UNC80: variants seen among roughly 807,000 people sequenced by gnomAD.
UNC80 encodes the protein protein unc-80 homolog.
Under a neutral mutation model 384.6 loss-of-function variants are expected in UNC80, and 164 were observed. That is an observed-to-expected ratio of 0.43 (90% CI 0.38 to 0.49). UNC80 has a LOEUF of 0.49. Ranked by LOEUF, UNC80 falls within the 20% of genes least tolerant of loss-of-function variation. The probability of loss-of-function intolerance (pLI) is 0.00; values close to 1 mark genes in which losing one functional copy is unlikely to be tolerated. For synonymous variants in UNC80, 1,486 were observed against 1,527.8 expected, an observed-to-expected ratio of 0.97 and a Z score of 0.64; for missense variants, 3,330 against 4,143.0, an observed-to-expected ratio of 0.80 and a Z score of 5.39.
rs2153828873 is a variant in UNC80, at chr2:209,835,011, G to GT, written c.3041+2dup. 4 of 1,549,416 alleles carry GT rather than the reference G, an allele frequency of 2.6e-6. No homozygotes were observed. Among genetic ancestry groups the GT allele is most frequent in the Non-Finnish European group, 2.6e-6 (3 of 1,145,546 alleles). ...GTCGCCCCTCACAGACTCCAGAGCA[G>GT]TAAGTAGCGTTGGTTTTGTCTCCAG... On this transcript the variant is annotated splice_donor_variant, in intron 18 of 64. Transcript: ENST00000673920. LOFTEE classifies it high-confidence loss of function.
chr2:209,823,671 AATT>A (rs756861538), intron 13 of UNC80, among the ~76,000 whole-genome samples: 1 of 151,644 alleles, frequency 6.6e-6, no homozygotes, highest in Non-Finnish European at 1.5e-5. Context: ...TTTAATTAAT[AATT>A]ATTTTTGCTA....
chr2:209,985,026 T>G (rs1189751963), intron 61 of UNC80, 114 bp downstream of exon 61: 4 of 881,668 alleles, frequency 4.5e-6, no homozygotes, highest in Non-Finnish European at 6.7e-6. Context: ...TAATATCTAT[T>G]TCCATTCCTT....
Position 209,834,020 on chromosome 2 carries a change from C to T in UNC80, c.2794C>T (p.Arg932Cys). ...CAAACAGGGACTGTATTGTGACATT[C>T]GTCAGCTGGTCCAGTTTATCAAAGA... ...PENLGLYCDI[R>C]QLVQFIKEAH... is the part of the protein sequence containing the mutation. Residue 932 changes from arginine (R) to cysteine (C), a missense_variant, in exon 17 of 65, where the codon CGT becomes TGT. Physicochemically the swap from Arg to Cys is radical, Grantham distance 180. Transcript: ENST00000673920. The T allele has an allele frequency of 6.4e-7, 1 of 1,551,640 alleles. No individual in the cohort carries two copies.
intron 42 of UNC80, among the ~76,000 whole-genome samples, chr2:209,938,676 GTCTCTCTCTCTCTCTCTC>G (rs10555565): frequency 7.3e-6 from 1 of 137,386 alleles, no homozygotes; most frequent in African/African-American, 2.7e-5. Context: ...CCTAGTCTCT[GTCTCTCTCTCTCTCTCTC>G]TCTCTCTCTC....
chr2:209,773,676 C>A (rs530658673), intron 2 of UNC80, among the ~76,000 whole-genome samples: 41 of 152,168 alleles, frequency 2.7e-4, no homozygotes, highest in African/African-American at 9.4e-4. Flanking sequence ...GGTGTTTTTG[C>A]CACCTGCAAG....
intron 58 of UNC80, 98 bp downstream of exon 58, chr2:209,977,176 T>C (rs771605554): frequency 1.1e-5 from 13 of 1,231,472 alleles, no homozygotes; most frequent in Non-Finnish European, 1.4e-5. Flanking sequence ...TTTGGAACTA[T>C]GAATATGTTA....
intron 7 of UNC80, among the ~76,000 whole-genome samples, chr2:209,798,487 T>A (rs2078311065): frequency 6.6e-6 from 1 of 152,150 alleles, no homozygotes; most frequent in South Asian, 2.1e-4. Flanking sequence ...GTGATGTTAT[T>A]TCTGAGGTCT....
Position 209,934,389 on chromosome 2 carries a change from T to A in UNC80, c.6178+384T>A, listed in dbSNP as rs112858072. Among the ~76,000 whole-genome samples the A allele has an allele frequency of 5.0e-3, 764 of 152,170 alleles. 6 individuals carry two copies. Among genetic ancestry groups the A allele is most frequent in the African/African-American group, 0.018 (732 of 41,538 alleles). ...TCCAGTCTTTTGTAAACTCCATGAG[T>A]GAGGGCTTTATGAAAAATTGGAAAA... On this transcript the variant is annotated intron_variant, in intron 39 of 64. Transcript: ENST00000673920.
intron 61 of UNC80, among the ~76,000 whole-genome samples, chr2:209,989,360 ATTGGACAATT>A: frequency 6.6e-6 from 1 of 152,010 alleles, no homozygotes; most frequent in East Asian, 1.9e-4. Flanking sequence ...AGTTTTCTCT[ATTGGACAATT>A]ATAAGAAGTT....
chr2:209,788,401 G>A (rs1232776219), intron 5 of UNC80, among the ~76,000 whole-genome samples: 2 of 144,356 alleles, frequency 1.4e-5, no homozygotes. Flanking sequence ...TGGGCAACAA[G>A]AGCAAAACTC....
chr2:209,955,760 G>C lies in UNC80; in HGVS notation c.7457+1490G>C, dbSNP rs564544832. On this transcript the variant is annotated intron_variant, in intron 48 of 64. Coordinates refer to ENST00000673920, the MANE Select transcript of UNC80 (RefSeq NM_001371986.1). ...ATATACACACACACACACACACACAGAGAGAGACTGACTCACTCTGTCACC... is the reference window on the plus strand; with the variant it reads ...ATATACACACACACACACACACACACAGAGAGACTGACTCACTCTGTCACC... Among the ~76,000 whole-genome samples, 1,031 of 103,626 alleles carry C rather than the reference G, an allele frequency of 9.9e-3. 15 individuals carry two copies. Among genetic ancestry groups the C allele is most frequent in the South Asian group, 0.021 (60 of 2,802 alleles). 68.0% of individuals were successfully genotyped at this position (103,626 alleles called of 152,430 possible). A position where few individuals can be genotyped will look rare whatever the true frequency, so the allele number is the denominator to read the frequency against.
chr2:209,812,999 C>T (rs973562039), intron 7 of UNC80, among the ~76,000 whole-genome samples: 10 of 152,156 alleles, frequency 6.6e-5, no homozygotes, highest in African/African-American at 2.2e-4. Context: ...TTATTTTCCT[C>T]ATAGCAAAAC....
intron 28 of UNC80, 65 bp from the exon 29 acceptor site, chr2:209,904,700 T>C: frequency 7.2e-7 from 1 of 1,393,792 alleles, no homozygotes; most frequent in South Asian, 1.2e-5. Context: ...TTCCACCCCA[T>C]AGATATGTTC....
chr2:209,961,137 T>G (rs1198975878), intron 51 of UNC80: 1 of 151,966 alleles, frequency 6.6e-6, no homozygotes, highest in Non-Finnish European at 1.5e-5. Flanking sequence ...GACTGTCCCA[T>G]AACCTGACTG....
intron 8 of UNC80, 53 bp downstream of exon 8, chr2:209,813,894 A>AT: frequency 1.3e-6 from 2 of 1,529,176 alleles, no homozygotes; most frequent in Middle Eastern, 1.7e-4. Context: ...GCCATAATGG[A>AT]TTCTTTTTTT....
At position 209,798,172 on chromosome 2, in the gene UNC80, C is replaced by A. The variant is rs575466208; in HGVS notation, c.938+4313C>A. Among the ~76,000 whole-genome samples, 4 of 152,260 alleles carry A rather than the reference C, an allele frequency of 2.6e-5. No individual in the cohort carries two copies. The South Asian group carries it at 8.3e-4, about 32-fold the overall frequency. On this transcript the variant is annotated intron_variant, in intron 7 of 64. Coordinates refer to ENST00000673920, the MANE Select transcript of UNC80 (RefSeq NM_001371986.1). Reference sequence around the variant, plus strand: ...AGAAGCCCTTTAGTTTAATTAAATCCCATTTGTCAATTGTGGCTTCTGTTG... The same window carrying A: ...AGAAGCCCTTTAGTTTAATTAAATCACATTTGTCAATTGTGGCTTCTGTTG...
chr2:209,955,978 A>G (rs2092401233), intron 48 of UNC80, among the ~76,000 whole-genome samples: 1 of 151,688 alleles, frequency 6.6e-6, no homozygotes, highest in African/African-American at 2.4e-5. Context: ...TCCTGGCCTC[A>G]AGTGATCCAC....
Position 209,820,189 on chromosome 2 carries a change from A to G in UNC80, c.1963-122A>G, listed in dbSNP as rs1236187378. ...ATAGGAAAATTTGACAGTTGTCTAA[A>G]TTATTTCTACCCAATTTCATAGACT... is the stretch of plus-strand genomic sequence containing the variant. On this transcript the variant is annotated intron_variant, in intron 12 of 64. Coordinates refer to ENST00000673920, the MANE Select transcript of UNC80 (RefSeq NM_001371986.1). The G allele has an allele frequency of 5.2e-6, 7 of 1,358,292 alleles. No individual in the cohort carries two copies. The East Asian group carries it at 1.9e-4, about 36-fold the overall frequency. The allele number at this position is 1,358,292 out of a possible 1,614,324, so 84.1% of individuals were successfully genotyped here. A position where few individuals can be genotyped will look rare whatever the true frequency, so the allele number is the denominator to read the frequency against.
In UNC80 at chr2:209,824,864, C is replaced by T. The variant is rs907335705; in HGVS notation, c.2332-1043C>T. The stretch of plus-strand genomic sequence containing the variant: ...CTTATATCTGGTTCCAAAGTTTATG[C>T]GTCAACCCAATCATGTGGCTATGGA... On this transcript the variant is annotated intron_variant, in intron 13 of 64. Transcript: ENST00000673920. Among the ~76,000 whole-genome samples, 6 of 152,250 alleles carry T rather than the reference C, an allele frequency of 3.9e-5. No individual in the cohort carries two copies. The East Asian group carries it at 7.7e-4, about 20-fold the overall frequency.
Sources: gnomAD v4.1 joint callset for allele counts (sites outside exome capture counted in the v4.1 genomes callset) on GRCh38, gnomAD v4.1.1 for gene constraint, MANE v1.5 for transcripts, NCBI Gene and HGNC (gene_info 2026-07-23, HGNC 2026-07-21) for gene names.